COL9A1: variants seen among roughly 807,000 people sequenced by gnomAD.
COL9A1 encodes the protein collagen type IX alpha 1 chain.
Under a neutral mutation model 142.6 loss-of-function variants are expected in COL9A1, and 104 were observed. That is an observed-to-expected ratio of 0.73 (90% confidence interval 0.62 to 0.86). COL9A1 has a LOEUF of 0.86. Among genes scored for constraint, COL9A1 ranks in the 40% least tolerant of loss-of-function variants. The pLI is 0.00. For missense variants in COL9A1, 1,210 were observed against 1,176.6 expected, an observed-to-expected ratio of 1.03 and a Z score of -0.42; for synonymous variants, 466 against 396.0, an observed-to-expected ratio of 1.18 and a Z score of -2.10.
At chr6:70,287,329 T>C (rs1773494782) in intron 5 of COL9A1, among the ~76,000 whole-genome samples, 1 of 152,130 alleles carries the variant, frequency 6.6e-6, no homozygotes, top group African/African-American at 2.4e-5. Context: ...GGTATATTAT[T>C]ATTAAATTGT....
At chr6:70,251,438 T>G (rs1770936213) in intron 28 of COL9A1, among the ~76,000 whole-genome samples, 1 of 152,048 alleles carries the variant, frequency 6.6e-6, no homozygotes, top group Non-Finnish European at 1.5e-5. Context: ...TCCCAGCCAC[T>G]CGGGAGGCTT....
intron 37 of COL9A1, among the ~76,000 whole-genome samples, chr6:70,218,803 T>A (rs75370620): frequency 0.018 from 2,793 of 152,256 alleles, 87 homozygotes; most frequent in African/African-American, 0.063. Flanking sequence ...AACATCTCAT[T>A]CTTCCTCTGG....
Position 70,300,059 on chromosome 6 carries a change from A to G in COL9A1, c.283T>C (p.Phe95Leu). The G allele has an allele frequency of 4.3e-6, 7 of 1,613,868 alleles. No homozygotes were observed. The highest frequency in any genetic ancestry group is 5.9e-6 in the Non-Finnish European group (7 of 1,179,810). Residue 95 changes from phenylalanine (F) to leucine (L), a missense_variant, in exon 4 of 38, where the codon TTC (phenylalanine) becomes CTC (leucine). By Grantham distance (22) the Phe-to-Leu change is conservative (BLOSUM62 0). Coordinates refer to ENST00000357250, the MANE Select transcript of COL9A1 (RefSeq NM_001851.6). Reference sequence around the variant, plus strand: ...ATAGATTACCTAGTTGGAATCCTGAAGTCTACATTATTTCCCAACTTGTAA... The same window carrying G: ...ATAGATTACCTAGTTGGAATCCTGAGGTCTACATTATTTCCCAACTTGTAA... ...VAYKLGNNVD[F>L]RIPTRNLYPS... is the part of the protein sequence containing the mutation.
At chr6:70,283,178 T>A in intron 6 of COL9A1, 1 of 1,496,728 alleles carries the variant, frequency 6.7e-7, no homozygotes. Context: ...GGAGTAGCGG[T>A]TGCCAAAGCG....
chr6:70,271,473 T>C (rs1001170486), intron 14 of COL9A1, among the ~76,000 whole-genome samples, 182 bp downstream of exon 14: 1 of 152,144 alleles, frequency 6.6e-6, no homozygotes, highest in African/African-American at 2.4e-5. Context: ...AGGAAAAAAT[T>C]AAAATCACTC....
chr6:70,250,277 G>T (rs951593188), intron 28 of COL9A1, among the ~76,000 whole-genome samples: 1 of 151,946 alleles, frequency 6.6e-6, no homozygotes, highest in Non-Finnish European at 1.5e-5. Context: ...AATAAAATAA[G>T]ATGAATAAGA....
chr6:70,298,527 G>A (rs975029761), intron 4 of COL9A1, among the ~76,000 whole-genome samples: 2 of 151,996 alleles, frequency 1.3e-5, no homozygotes, highest in African/African-American at 2.4e-5. Context: ...GTCCTTATGG[G>A]GGCAGGGAGT....
In COL9A1 at chr6:70,234,925, C is replaced by T. The variant is rs1769808292; in HGVS notation, c.2128G>A (p.Glu710Lys). ...CCCTCAGGCCCTCTCAAGCCAGGTT[C>T]CCCAGGATTACCTGCCTGGAACACA... Reference protein sequence around the residue: ...GPKGSAGNPGEPGLRGPEGSR... With the variant: ...GPKGSAGNPGKPGLRGPEGSR... The change falls in exon 34 of 38, where the codon GAA (glutamate) becomes AAA (lysine). Residue 710 changes from glutamate (E) to lysine (K), a missense_variant. Physicochemically the swap from Glu to Lys is moderately conservative, Grantham distance 56. Transcript: ENST00000357250. The T allele has an allele frequency of 6.2e-7, 1 of 1,614,036 alleles. No homozygotes were observed. Among genetic ancestry groups the T allele is most frequent in the Non-Finnish European group, 8.5e-7 (1 of 1,180,026 alleles).
chr6:70,277,949 A>G (rs1294637350), intron 10 of COL9A1, among the ~76,000 whole-genome samples: 1 of 152,240 alleles, frequency 6.6e-6, no homozygotes, highest in Non-Finnish European at 1.5e-5. Context: ...GGCCAAGGAC[A>G]AACAAACAGC....
At chr6:70,280,523 C>T (rs1224951798) in intron 10 of COL9A1, 15 of 1,369,634 alleles carry the variant, frequency 1.1e-5, no homozygotes, top group Admixed American at 9.2e-5. Flanking sequence ...GAGTTCACAG[C>T]GTGCACTGTG....
intron 4 of COL9A1, among the ~76,000 whole-genome samples, chr6:70,299,372 A>G (rs78195319): frequency 6.6e-6 from 1 of 152,254 alleles, no homozygotes; most frequent in African/African-American, 2.4e-5. Flanking sequence ...GCATATAATA[A>G]TTATCATAAT....
intron 4 of COL9A1, among the ~76,000 whole-genome samples, chr6:70,297,207 A>G (rs1168332685): frequency 6.6e-6 from 1 of 152,144 alleles, no homozygotes; most frequent in Admixed American, 6.6e-5. Flanking sequence ...AAACTAAAAA[A>G]GAAAATAATT....
At position 70,302,933 on chromosome 6, in the gene COL9A1, T is replaced by C. The variant is rs760852894; in HGVS notation, c.-9A>G. ...TACCAGCAGGTCTTCATTTTCCCAG[T>C]TGATTTTCTTTGTTTGCCAACAGTC... On this transcript the variant is annotated 5_prime_UTR_variant, in exon 1 of 38. Transcript: ENST00000357250. 5 of 1,613,882 alleles carry C rather than the reference T, an allele frequency of 3.1e-6. No homozygotes were observed. Among genetic ancestry groups the C allele is most frequent in the South Asian group, 2.2e-5 (2 of 91,076 alleles).
Position 70,263,819 on chromosome 6 carries a change from T to C in COL9A1, c.1342-522A>G, listed in dbSNP as rs534982143. 3.9e-5 allele frequency among the ~76,000 whole-genome samples: 6 copies of C among 152,088 alleles called. No homozygotes were observed. In the South Asian group the frequency reaches 1.0e-3, roughly 26 times the overall value. On this transcript the variant is annotated intron_variant, in intron 18 of 37. Transcript: ENST00000357250. ...TAATGTAAATCAGCCATTTCTTTCA[T>C]GGGTTATACCTCCTGATGTCACTCA...
chr6:70,273,964 T>C (rs753072175), intron 12 of COL9A1, 83 bp downstream of exon 12: 10 of 690,520 alleles, frequency 1.4e-5, no homozygotes, highest in Non-Finnish European at 2.1e-5. Context: ...AATAAATAAA[T>C]AAATAAATAA....
intron 28 of COL9A1, among the ~76,000 whole-genome samples, chr6:70,251,127 A>G (rs1770909904): frequency 6.6e-6 from 1 of 152,258 alleles, no homozygotes; most frequent in South Asian, 2.1e-4. Context: ...TGATATAGCC[A>G]CATAATTAAT....
At position 70,268,308 on chromosome 6, in the gene COL9A1, G is replaced by A. The variant is rs576534930; in HGVS notation, c.1287+496C>T. 2.2e-4 allele frequency among the ~76,000 whole-genome samples: 33 copies of A among 151,420 alleles called. 1 individual carries two copies. Among genetic ancestry groups the A allele is most frequent in the Middle Eastern group, 6.8e-3 (2 of 294 alleles). On this transcript the variant is annotated intron_variant, in intron 17 of 37. Coordinates refer to ENST00000357250, the MANE Select transcript of COL9A1 (RefSeq NM_001851.6). ...TAGCTCATTGCAACCTTGACTTCTC[G>A]AGCTCAAGTGATCCTCCCACCTCAG...
chr6:70,218,065 C>A (rs1028565361), intron 37 of COL9A1, among the ~76,000 whole-genome samples: 8 of 152,118 alleles, frequency 5.3e-5, no homozygotes, highest in Non-Finnish European at 1.2e-4. Context: ...ATTACTTGCA[C>A]CCGGGAGGCA....
At chr6:70,224,557 A>G (rs938917413) in intron 37 of COL9A1, among the ~76,000 whole-genome samples, 1 of 152,244 alleles carries the variant, frequency 6.6e-6, no homozygotes, top group Non-Finnish European at 1.5e-5. Context: ...AGAAGGAGTT[A>G]TTAGGCTTTC....
Sources: allele counts gnomAD v4.1 joint callset (sites outside exome capture counted in the v4.1 genomes callset), GRCh38; gene constraint gnomAD v4.1.1; transcripts MANE v1.5; gene names NCBI Gene and HGNC (gene_info 2026-07-23, HGNC 2026-07-21).